Variants in LRFN2 observed in about 807,000 individuals in gnomAD.
LRFN2 encodes leucine-rich repeat and fibronectin type-III domain-containing protein 2.
In LRFN2, 18 loss-of-function variants were observed where a neutral mutation model predicts 37.3. The observed-to-expected ratio is 0.48, with a 90% CI of 0.33 to 0.72. LRFN2 has a LOEUF of 0.72. Among genes scored for constraint, LRFN2 ranks in the 30% least tolerant of loss-of-function variants. The pLI is 0.02. For missense variants in LRFN2, 1,006 were observed against 1,060.7 expected, an observed-to-expected ratio of 0.95 and a Z score of 0.72; for synonymous variants, 556 against 466.6, an observed-to-expected ratio of 1.19 and a Z score of -2.47.
intron 1 of LRFN2, among the ~76,000 whole-genome samples, chr6:40,507,169 C>T (rs1054699129): frequency 2.6e-5 from 4 of 152,200 alleles, no homozygotes; most frequent in African/African-American, 9.7e-5. Flanking sequence ...GGCATCTCTA[C>T]TAGACCGTAA....
chr6:40,453,402 G>A (rs958038508), intron 1 of LRFN2, among the ~76,000 whole-genome samples: 1 of 151,702 alleles, frequency 6.6e-6, no homozygotes, highest in Non-Finnish European at 1.5e-5. Context: ...AAGCATCCAT[G>A]TAACAAGGAT....
chr6:40,434,865 G>C, intron 1 of LRFN2, among the ~76,000 whole-genome samples: 1 of 151,632 alleles, frequency 6.6e-6, no homozygotes, highest in Non-Finnish European at 1.5e-5. Flanking sequence ...GCCTACTCTT[G>C]CTTTCTCTCA....
intron 1 of LRFN2, among the ~76,000 whole-genome samples, chr6:40,475,487 A>T (rs1363561982): frequency 6.6e-6 from 1 of 152,108 alleles, no homozygotes; most frequent in Non-Finnish European, 1.5e-5. Context: ...GTGTCATGAG[A>T]TGTGTGCTCA....
At chr6:40,439,837 G>A (rs969551999) in intron 1 of LRFN2, among the ~76,000 whole-genome samples, 9 of 152,176 alleles carry the variant, frequency 5.9e-5, no homozygotes, top group Non-Finnish European at 1.0e-4. Context: ...ACTCTGACAG[G>A]GGAGGCATAG....
chr6:40,398,630 C>A (rs1287440958), intron 2 of LRFN2, among the ~76,000 whole-genome samples: 2 of 151,776 alleles, frequency 1.3e-5, no homozygotes, highest in Non-Finnish European at 2.9e-5. Context: ...ATGTAAACTA[C>A]CAACATCTCT....
intron 1 of LRFN2, among the ~76,000 whole-genome samples, chr6:40,494,973 C>T (rs1765190225): frequency 6.6e-6 from 1 of 152,176 alleles, no homozygotes; most frequent in Non-Finnish European, 1.5e-5. Context: ...CCTGGAAATC[C>T]CCAACCCTGG....
At chr6:40,483,360 G>C (rs1312457586) in intron 1 of LRFN2, among the ~76,000 whole-genome samples, 1 of 152,124 alleles carries the variant, frequency 6.6e-6, no homozygotes, top group African/African-American at 2.4e-5. Context: ...CTATTGCGCT[G>C]GCAGAGTTGG....
intron 2 of LRFN2, among the ~76,000 whole-genome samples, chr6:40,411,182 C>T (rs1163846301): frequency 2.0e-5 from 3 of 152,218 alleles, no homozygotes; most frequent in Non-Finnish European, 4.4e-5. Flanking sequence ...TTGGCTCACT[C>T]TCCTCCCTCT....
rs1230644873 is a variant in LRFN2, at chr6:40,576,819, A to AC, written c.-19+10121dup. 3.3e-5 allele frequency among the ~76,000 whole-genome samples: 5 copies of AC among 151,818 alleles called. No individual in the cohort carries two copies. In the East Asian group the frequency reaches 9.7e-4, roughly 30 times the overall value. Reference sequence around the variant, plus strand: ...GAGGCCTGGGCTTCAGTCGGGTCCCACCCCCAGCTCTCCTGTGGTTCTTGC... The same window carrying AC: ...GAGGCCTGGGCTTCAGTCGGGTCCCACCCCCCAGCTCTCCTGTGGTTCTTGC... On this transcript the variant is annotated intron_variant, in intron 1 of 2. Transcript: ENST00000338305.
intron 1 of LRFN2, among the ~76,000 whole-genome samples, chr6:40,484,328 T>C (rs1452341668): frequency 6.6e-6 from 1 of 152,174 alleles, no homozygotes; most frequent in Non-Finnish European, 1.5e-5. Flanking sequence ...TAGTCTCTAA[T>C]TTTCAGCTGT....
chr6:40,493,787 T>A (rs1274186676), intron 1 of LRFN2, among the ~76,000 whole-genome samples: 1 of 152,184 alleles, frequency 6.6e-6, no homozygotes, highest in East Asian at 1.9e-4. Context: ...AGCTTGTAGG[T>A]CAATCCTGCC....
intron 1 of LRFN2, among the ~76,000 whole-genome samples, chr6:40,571,433 G>A (rs1295031367): frequency 1.3e-5 from 2 of 152,186 alleles, no homozygotes. Flanking sequence ...CACCCACCAT[G>A]GGAAAGCAGT....
Position 40,559,273 on chromosome 6 carries a change from T to C in LRFN2, c.-19+27668A>G, listed in dbSNP as rs148628177. On this transcript the variant is annotated intron_variant, in intron 1 of 2. Transcript: ENST00000338305. ...GCAGTGAGCCTTCCTGATGACGCTG[T>C]AAATCAGGGCCCCTAAGTAAAGCCA... Among the ~76,000 whole-genome samples the C allele has an allele frequency of 7.1e-4, 108 of 152,290 alleles. 1 individual carries two copies. The East Asian group carries it at 0.015, about 21-fold the overall frequency.
intron 2 of LRFN2, among the ~76,000 whole-genome samples, chr6:40,400,230 C>T (rs930220407): frequency 2.0e-5 from 3 of 151,750 alleles, no homozygotes; most frequent in Admixed American, 6.6e-5. Context: ...CTGCTGATCA[C>T]GATGTCTGGC....
intron 1 of LRFN2, among the ~76,000 whole-genome samples, chr6:40,561,665 C>G (rs1766996615): frequency 6.6e-6 from 1 of 152,194 alleles, no homozygotes; most frequent in Admixed American, 6.5e-5. Flanking sequence ...TAGAAACTTA[C>G]TCAGCATGGA....
In LRFN2 at chr6:40,479,066, T is replaced by C. The variant is rs78264785; in HGVS notation, c.-18-45935A>G. 1.2e-3 allele frequency among the ~76,000 whole-genome samples: 184 copies of C among 152,344 alleles called. 1 individual carries two copies. Among genetic ancestry groups the C allele is most frequent in the South Asian group, 2.7e-3 (13 of 4,828 alleles). ...AACCAAGTTCCCACACATAACCAGATAGAAAGCCTTAGGCATTTGCTTCAC... is the reference window on the plus strand; with the variant it reads ...AACCAAGTTCCCACACATAACCAGACAGAAAGCCTTAGGCATTTGCTTCAC... On this transcript the variant is annotated intron_variant, in intron 1 of 2. Coordinates refer to ENST00000338305, the MANE Select transcript of LRFN2 (RefSeq NM_020737.3).
intron 1 of LRFN2, among the ~76,000 whole-genome samples, chr6:40,569,432 G>A (rs938712227): frequency 1.3e-5 from 2 of 152,158 alleles, no homozygotes; most frequent in East Asian, 3.9e-4. Context: ...GTGGACTAGA[G>A]AATCTTCACT....
intron 1 of LRFN2, among the ~76,000 whole-genome samples, chr6:40,563,471 T>C (rs1767036718): frequency 6.6e-6 from 1 of 152,148 alleles, no homozygotes; most frequent in Non-Finnish European, 1.5e-5. Context: ...TTTATCACAG[T>C]GCAAAGACCA....
rs1173703162 is a variant in LRFN2, at chr6:40,564,746, T to C, written c.-19+22195A>G. On this transcript the variant is annotated intron_variant, in intron 1 of 2. Coordinates refer to ENST00000338305, the MANE Select transcript of LRFN2 (RefSeq NM_020737.3). ...CCTTAAATTATAATCCTTCAGTGCC[T>C]CTCCATTGCTCATAGTAAAAATGCT... is the stretch of plus-strand genomic sequence containing the variant. Among the ~76,000 whole-genome samples, 7 of 152,244 alleles carry C rather than the reference T, an allele frequency of 4.6e-5. No individual in the cohort carries two copies. In the East Asian group the frequency reaches 1.4e-3, roughly 29 times the overall value.
Sources: allele counts gnomAD v4.1 joint callset (sites outside exome capture counted in the v4.1 genomes callset), GRCh38; gene constraint gnomAD v4.1.1; transcripts MANE v1.5; gene names NCBI Gene and HGNC (gene_info 2026-07-23, HGNC 2026-07-21).